Variants in XKR9 observed in about 807,000 individuals in gnomAD.
The protein encoded by XKR9 is XK related 9.
A neutral mutation model predicts 32.0 loss-of-function variants in XKR9; 32 were observed. The observed-to-expected ratio is 1.00, with a 90% CI of 0.76 to 1.34. The LOEUF (loss-of-function observed/expected upper bound fraction) is 1.34, where lower values mean the gene tolerates loss of function less well. Among genes scored for constraint, XKR9 ranks in the 40% most tolerant of loss-of-function variants. The pLI is 0.00. For synonymous variants in XKR9, 168 were observed against 143.4 expected (o/e 1.17, Z -1.22); for missense variants, 546 against 429.7 (o/e 1.27, Z -2.39).
the XKR9 span, among the ~76,000 whole-genome samples, chr8:70,853,938 T>C: frequency 6.6e-6 from 1 of 152,230 alleles, no homozygotes; most frequent in Non-Finnish European, 1.5e-5. Context: ...TGTTGGACGT[T>C]TGGGTTGGTT....
the XKR9 span, among the ~76,000 whole-genome samples, chr8:70,883,519 G>T: frequency 3.8e-3 from 576 of 152,124 alleles, 6 homozygotes; most frequent in African/African-American, 0.013. Context: ...AGATAGAATG[G>T]TAGATCTATT....
chr8:70,857,924 C>T, the XKR9 span, among the ~76,000 whole-genome samples: 33 of 152,076 alleles, frequency 2.2e-4, no homozygotes, highest in African/African-American at 7.7e-4. Flanking sequence ...AATGCTTCAT[C>T]CTAAAAACTC....
At chr8:70,718,800 A>G (rs189761879) in intron 4 of XKR9, among the ~76,000 whole-genome samples, 2 of 152,290 alleles carry the variant, frequency 1.3e-5, no homozygotes, top group East Asian at 1.9e-4. Flanking sequence ...ATGTCTTTAT[A>G]GTAGAATGAT....
At chr8:70,974,330 T>C in the XKR9 span, among the ~76,000 whole-genome samples, 2 of 152,056 alleles carry the variant, frequency 1.3e-5, no homozygotes, top group Non-Finnish European at 2.9e-5. Flanking sequence ...GCTGTGTTGG[T>C]TTGCTGCACC....
At chr8:70,965,626 C>T in the XKR9 span, among the ~76,000 whole-genome samples, 1 of 152,122 alleles carries the variant, frequency 6.6e-6, no homozygotes, top group African/African-American at 2.4e-5. Flanking sequence ...GACTGAATTT[C>T]AGAACTCATT....
the XKR9 span, among the ~76,000 whole-genome samples, chr8:70,927,386 T>C: frequency 4.6e-5 from 7 of 152,068 alleles, no homozygotes; most frequent in African/African-American, 1.7e-4. Context: ...TCTCTACCTG[T>C]TTTAGTCCAT....
chr8:70,703,431 G>A (rs985870702), intron 3 of XKR9, among the ~76,000 whole-genome samples: 1 of 152,054 alleles, frequency 6.6e-6, no homozygotes, highest in African/African-American at 2.4e-5. Context: ...GCAAGGTGCT[G>A]GAAGATTTGG....
intron 2 of XKR9, among the ~76,000 whole-genome samples, chr8:70,787,816 G>A (rs1563480804): frequency 6.6e-6 from 1 of 151,964 alleles, no homozygotes; most frequent in Non-Finnish European, 1.5e-5. Flanking sequence ...TTTGGAGAAA[G>A]TCTAAGGCAA....
intron 2 of XKR9, among the ~76,000 whole-genome samples, chr8:70,757,017 C>G (rs1191383227): frequency 1.3e-5 from 2 of 152,094 alleles, no homozygotes; most frequent in Non-Finnish European, 2.9e-5. Context: ...GAAATTTCCT[C>G]CTACTCCTAT....
At chr8:70,952,967 A>G in the XKR9 span, among the ~76,000 whole-genome samples, 1 of 152,344 alleles carries the variant, frequency 6.6e-6, no homozygotes, top group Middle Eastern at 3.4e-3. Context: ...TCACCTCATT[A>G]ATTGTGGTGT....
chr8:71,045,271 C>T, the XKR9 span, among the ~76,000 whole-genome samples: 9 of 152,288 alleles, frequency 5.9e-5, no homozygotes, highest in South Asian at 6.2e-4. Context: ...AAGCTTGTCA[C>T]GTGCTTGTCT....
At chr8:70,975,505 T>C in the XKR9 span, among the ~76,000 whole-genome samples, 2 of 152,220 alleles carry the variant, frequency 1.3e-5, no homozygotes, top group East Asian at 1.9e-4. Context: ...CGGAATCCTT[T>C]CCCCATTGCT....
the XKR9 span, among the ~76,000 whole-genome samples, chr8:71,048,537 G>A: frequency 2.6e-5 from 4 of 152,216 alleles, no homozygotes; most frequent in East Asian, 7.7e-4. Context: ...ATAGTTATGA[G>A]GCATTTGATA....
the XKR9 span, among the ~76,000 whole-genome samples, chr8:70,883,234 G>A: frequency 2.0e-5 from 3 of 151,866 alleles, no homozygotes; most frequent in East Asian, 5.8e-4. Flanking sequence ...TATAGTATTT[G>A]GTTTTCCATT....
At chr8:70,754,294 G>C (rs1333589473) in intron 2 of XKR9, among the ~76,000 whole-genome samples, 2 of 146,706 alleles carry the variant, frequency 1.4e-5, no homozygotes, top group Non-Finnish European at 3.0e-5. Context: ...AACATTCCAT[G>C]CTTATGGATA....
chr8:70,802,573 C>T, the XKR9 span, among the ~76,000 whole-genome samples: 9 of 152,088 alleles, frequency 5.9e-5, no homozygotes, highest in South Asian at 2.1e-4. Context: ...ATTGTGTCTG[C>T]GTTCTTAAGT....
chr8:70,759,668 C>G (rs1807281272), intron 2 of XKR9, among the ~76,000 whole-genome samples: 1 of 152,164 alleles, frequency 6.6e-6, no homozygotes, highest in African/African-American at 2.4e-5. Flanking sequence ...GGACTGCATT[C>G]CATGGACTTG....
At chr8:70,767,105 T>C (rs545622850) in intron 2 of XKR9, among the ~76,000 whole-genome samples, 166 of 152,346 alleles carry the variant, frequency 1.1e-3, no homozygotes, top group African/African-American at 3.9e-3. Context: ...AGGATGATGC[T>C]GGCCTCTTAA....
intron 2 of XKR9, among the ~76,000 whole-genome samples, chr8:70,774,534 A>G (rs1807494232): frequency 6.6e-6 from 1 of 152,092 alleles, no homozygotes; most frequent in Non-Finnish European, 1.5e-5. Context: ...GAAGCTCTAT[A>G]TATTCAACAT....
Sources: allele counts gnomAD v4.1 joint callset (sites outside exome capture counted in the v4.1 genomes callset), GRCh38; gene constraint gnomAD v4.1.1; transcripts MANE v1.5; gene names NCBI Gene and HGNC (gene_info 2026-07-23, HGNC 2026-07-21).